Variants in MFGE8 observed in about 807,000 individuals in gnomAD.
The protein encoded by MFGE8 is lactadherin.
In MFGE8, 34 loss-of-function variants were observed where a neutral mutation model predicts 42.6. The observed-to-expected ratio is 0.80, with a 90% confidence interval of 0.61 to 1.06. MFGE8 has a LOEUF of 1.06. Among genes scored for constraint, MFGE8 ranks in the 50% least tolerant of loss-of-function variants. MFGE8 has a pLI of 0.00. For synonymous variants in MFGE8, 230 were observed against 214.8 expected (o/e 1.07, Z -0.62); for missense variants, 510 against 516.9 (o/e 0.99, Z 0.13).
intron 1 of MFGE8, chr15:88,912,008 T>C: frequency 1.3e-6 from 1 of 749,540 alleles, no homozygotes; most frequent in Non-Finnish European, 2.0e-6. Flanking sequence ...AGGCTTGGGT[T>C]GGGAATGGAC....
intron 2 of MFGE8, among the ~76,000 whole-genome samples, chr15:88,908,352 C>T (rs765067639): frequency 2.6e-5 from 4 of 152,322 alleles, no homozygotes; most frequent in South Asian, 2.1e-4. Context: ...GACCAGAGCT[C>T]GGCCAGTGGC....
chr15:88,906,516 T>A lies in MFGE8; in HGVS notation c.540+110A>T. 2 of 1,290,988 alleles carry A rather than the reference T, an allele frequency of 1.5e-6. No individual in the cohort carries two copies. The highest frequency in any genetic ancestry group is 2.3e-5 in the East Asian group (1 of 43,268). 80.0% of individuals were successfully genotyped at this position (1,290,988 alleles called of 1,614,324 possible). On this transcript the variant is annotated intron_variant, in intron 4 of 7. Coordinates refer to ENST00000268150, the MANE Select transcript of MFGE8 (RefSeq NM_005928.4). This position sits in a 1 kb window ranked among gnomAD's most constrained non-coding sequence, Gnocchi z 4.2. Reference sequence around the variant, plus strand: ...GCCAAGATGCACCCGAAGACCCACATCATAGCCAATCACCTAGGGTTCTCT... The same window carrying A: ...GCCAAGATGCACCCGAAGACCCACAACATAGCCAATCACCTAGGGTTCTCT...
At chr15:88,907,478 A>T in intron 2 of MFGE8, 102 bp from the exon 3 acceptor site, 2 of 1,052,130 alleles carry the variant, frequency 1.9e-6, no homozygotes, top group South Asian at 2.6e-5. Context: ...CCTCTGCCTA[A>T]GCCCCAGGGC....
Position 88,899,999 on chromosome 15 carries a change from AG to A in MFGE8, c.871-189del, listed in dbSNP as rs1898286002. Among the ~76,000 whole-genome samples the A allele has an allele frequency of 6.6e-6, 1 of 152,116 alleles. No individual in the cohort carries two copies. Among genetic ancestry groups the A allele is most frequent in the Non-Finnish European group, 1.5e-5 (1 of 68,026 alleles). On this transcript the variant is annotated intron_variant, in intron 6 of 7. Transcript: ENST00000268150. The surrounding 1 kb of genome is among the most constrained non-coding windows in gnomAD (Gnocchi z 6.8). ...ATGCCTATAATCCCAACACTTTGGG[AG>A]AGACTTGAGGCAGGTGGATCACCTG...
At chr15:88,909,957 T>A (rs768875409) in intron 1 of MFGE8, 34 bp from the exon 2 acceptor site, 1 of 1,613,100 alleles carries the variant, frequency 6.2e-7, no homozygotes, top group Non-Finnish European at 8.5e-7. Context: ...GAGCAGATGA[T>A]CAGGAAGGAG....
chr15:88,899,078 G>T lies in MFGE8; in HGVS notation c.*317C>A. The T allele has an allele frequency of 2.2e-6, 1 of 445,818 alleles. No homozygotes were observed. Among genetic ancestry groups the T allele is most frequent in the Non-Finnish European group, 4.2e-6 (1 of 239,310 alleles). The allele number at this position is 445,818 out of a possible 1,614,324, so 27.6% of individuals were successfully genotyped here. A position where few individuals can be genotyped will look rare whatever the true frequency, so the allele number is the denominator to read the frequency against. On this transcript the variant is annotated 3_prime_UTR_variant, in exon 8 of 8. Coordinates refer to ENST00000268150, the MANE Select transcript of MFGE8 (RefSeq NM_005928.4). This position sits in a 1 kb window ranked among gnomAD's most constrained non-coding sequence, Gnocchi z 6.8. ...GAGACACACGCACCTGGGATCGGCGGTCCGGACAGGGGCAGGGAAACCACA... is the reference window on the plus strand; with the variant it reads ...GAGACACACGCACCTGGGATCGGCGTTCCGGACAGGGGCAGGGAAACCACA...
chr15:88,908,575 G>A (rs1250220185), intron 2 of MFGE8, among the ~76,000 whole-genome samples: 1 of 152,168 alleles, frequency 6.6e-6, no homozygotes, highest in Non-Finnish European at 1.5e-5. Flanking sequence ...CCTGGGTGCA[G>A]CCATATCCAG....
chr15:88,913,180 G>C, intron 1 of MFGE8, 67 bp downstream of exon 1: 1 of 1,472,536 alleles, frequency 6.8e-7, no homozygotes, highest in East Asian at 2.9e-5. Flanking sequence ...GAGGGCGGGC[G>C]CCGGGCAAAC....
intron 5 of MFGE8, chr15:88,901,989 T>C: frequency 2.0e-6 from 1 of 501,854 alleles, no homozygotes. Context: ...CTCACCACCC[T>C]TCTCCTCTGC....
rs1898869122 is a variant in MFGE8, at chr15:88,909,776, AC to A, written c.205+15del. On this transcript the variant is annotated intron_variant, in intron 2 of 7. Coordinates refer to ENST00000268150, the MANE Select transcript of MFGE8 (RefSeq NM_005928.4). ...CTACTGCTAGAAACAGGCAACAAGCACCCCCACATACTCACTCGTCTCACAG... is the reference window on the plus strand; with the variant it reads ...CTACTGCTAGAAACAGGCAACAAGCACCCCACATACTCACTCGTCTCACAG... 2 of 1,613,560 alleles carry A rather than the reference AC, an allele frequency of 1.2e-6. No individual in the cohort carries two copies. The highest frequency in any genetic ancestry group is 1.7e-5 in the Admixed American group (1 of 59,990).
At position 88,905,906 on chromosome 15, in the gene MFGE8, C is replaced by A. The variant is rs3743388; in HGVS notation, c.541-5G>T. Reference sequence around the variant, plus strand: ...GTTCCAGTTACCCACAAACTCCTAGCAGGGAAGGGACAAGACTGGAGAAGG... The same window carrying A: ...GTTCCAGTTACCCACAAACTCCTAGAAGGGAAGGGACAAGACTGGAGAAGG... On this transcript the variant is annotated splice_region_variant and splice_polypyrimidine_tract_variant and intron_variant, in intron 4 of 7. Coordinates refer to ENST00000268150, the MANE Select transcript of MFGE8 (RefSeq NM_005928.4). The surrounding 1 kb of genome is among the most constrained non-coding windows in gnomAD (Gnocchi z 6.6). 8 of 1,613,892 alleles carry A rather than the reference C, an allele frequency of 5.0e-6. No homozygotes were observed. The highest frequency in any genetic ancestry group is 1.3e-5 in the African/African-American group (1 of 74,952).
At position 88,901,205 on chromosome 15, in the gene MFGE8, A is replaced by ATT. The variant is rs560390200; in HGVS notation, c.870+345_870+346insAA. Among the ~76,000 whole-genome samples, 15 of 34,040 alleles carry ATT rather than the reference A, an allele frequency of 4.4e-4. No homozygotes were observed. The South Asian group carries it at 0.018, about 40-fold the overall frequency. The allele number at this position is 34,040 out of a possible 152,430, so 22.3% of individuals were successfully genotyped here. ...CATTCACACACACATTCACACATTC[A>ATT]CACACACACATTCACACATACACAT... On this transcript the variant is annotated intron_variant, in intron 6 of 7. Coordinates refer to ENST00000268150, the MANE Select transcript of MFGE8 (RefSeq NM_005928.4).
rs1898659996 is a variant in MFGE8, at chr15:88,906,022, A to C, written c.541-121T>G. 6.5e-6 allele frequency: 8 copies of C among 1,236,388 alleles called. No individual in the cohort carries two copies. Among genetic ancestry groups the C allele is most frequent in the Non-Finnish European group, 8.2e-6 (7 of 851,876 alleles). 76.6% of individuals were successfully genotyped at this position (1,236,388 alleles called of 1,614,324 possible). On this transcript the variant is annotated intron_variant, in intron 4 of 7. Coordinates refer to ENST00000268150, the MANE Select transcript of MFGE8 (RefSeq NM_005928.4). This position sits in a 1 kb window ranked among gnomAD's most constrained non-coding sequence, Gnocchi z 4.2. ...AGGTGGGGCTGGGAGGGTGAAGAGG[A>C]CTTGGAAGAGCCAGCAGAGGCTCAC...
Position 88,902,010 on chromosome 15 carries a change from G to T in MFGE8, c.686-275C>A, listed in dbSNP as rs1458023236. 2.6e-5 allele frequency: 12 copies of T among 458,358 alleles called. No individual in the cohort carries two copies. Among genetic ancestry groups the T allele is most frequent in the Admixed American group, 6.7e-5 (2 of 29,662 alleles). 28.4% of individuals were successfully genotyped at this position (458,358 alleles called of 1,614,324 possible). On this transcript the variant is annotated intron_variant, in intron 5 of 7. Coordinates refer to ENST00000268150, the MANE Select transcript of MFGE8 (RefSeq NM_005928.4). This position sits in a 1 kb window ranked among gnomAD's most constrained non-coding sequence, Gnocchi z 4.3. ...ACCCTTCTCCTCTGCACCAGGGAAG[G>T]CCCCTGCTCCACCACCTCCTGCCCT...
Position 88,912,756 on chromosome 15 carries a change from C to T in MFGE8, c.73+491G>A, listed in dbSNP as rs1429029096. 3 of 985,328 alleles carry T rather than the reference C, an allele frequency of 3.0e-6. No individual in the cohort carries two copies. In the African/African-American group the frequency reaches 5.2e-5, roughly 17 times the overall value. 61.0% of individuals were successfully genotyped at this position (985,328 alleles called of 1,614,324 possible). On this transcript the variant is annotated intron_variant, in intron 1 of 7. Transcript: ENST00000268150. ...ATTGCACCGACTCCCCGGCCCTTCC[C>T]TTATGTGACCAGGCACGGACAATTG... is the stretch of plus-strand genomic sequence containing the variant.
intron 6 of MFGE8, chr15:88,900,826 T>C (rs1001845449): frequency 3.4e-6 from 3 of 877,688 alleles, no homozygotes; most frequent in African/African-American, 1.8e-5. Context: ...AGAATATGTA[T>C]GCTGTGCTCA....
rs776672191 is a variant in MFGE8 at position 88,912,136 on chromosome 15, T to C, written c.73+1111A>G. 3.6e-5 allele frequency: 47 copies of C among 1,289,828 alleles called. 1 individual carries two copies. In the African/African-American group the frequency reaches 5.0e-4, roughly 14 times the overall value. 79.9% of individuals were successfully genotyped at this position (1,289,828 alleles called of 1,614,324 possible). A position where few individuals can be genotyped will look rare whatever the true frequency, so the allele number is the denominator to read the frequency against. On this transcript the variant is annotated intron_variant, in intron 1 of 7. Transcript: ENST00000268150. Reference sequence around the variant, plus strand: ...CCAGCCACGTTACCTGTGTGTAAGATAGGTATGGTGTTTCCTCCTTCTGGA... The same window carrying C: ...CCAGCCACGTTACCTGTGTGTAAGACAGGTATGGTGTTTCCTCCTTCTGGA...
intron 1 of MFGE8, 118 bp downstream of exon 1, chr15:88,913,129 G>T (rs1899046597): frequency 2.9e-6 from 4 of 1,370,116 alleles, no homozygotes; most frequent in East Asian, 6.2e-5. Context: ...TGCCCAGCCC[G>T]GTCCCCGGGG....
In MFGE8 at chr15:88,913,330, C is replaced by T; in HGVS notation, c.-11G>A. On this transcript the variant is annotated 5_prime_UTR_variant, in exon 1 of 8. Transcript: ENST00000268150. Reference sequence around the variant, plus strand: ...GCGGGGGCGCGGCATGCTGCGGGGACGCGGGCGCTGGAATGGGCACGCTGG... The same window carrying T: ...GCGGGGGCGCGGCATGCTGCGGGGATGCGGGCGCTGGAATGGGCACGCTGG... 1 of 1,431,982 alleles carries T rather than the reference C, an allele frequency of 7.0e-7. No homozygotes were observed. The highest frequency in any genetic ancestry group is 9.1e-7 in the Non-Finnish European group (1 of 1,104,344). 88.7% of individuals were successfully genotyped at this position (1,431,982 alleles called of 1,614,324 possible).
Sources: gnomAD v4.1 joint callset for allele counts (sites outside exome capture counted in the v4.1 genomes callset) on GRCh38, gnomAD v4.1.1 for gene constraint, Gnocchi (gnomAD v3.1) non-coding constraint, MANE v1.5 for transcripts, NCBI Gene and HGNC (gene_info 2026-07-23, HGNC 2026-07-21) for gene names.